Variants in WASF1 observed in about 807,000 individuals in gnomAD.
The protein encoded by WASF1 is WASP family member 1.
Under a neutral mutation model 50.5 loss-of-function variants are expected in WASF1, and 7 were observed. The observed-to-expected ratio is 0.14, with a 90% CI of 0.08 to 0.26. WASF1 has a LOEUF of 0.26. Ranked by LOEUF, WASF1 falls within the 10% of genes least tolerant of loss-of-function variation. WASF1 has a pLI of 1.00. For missense variants in WASF1, 470 were observed against 694.7 expected (o/e 0.68, Z 3.64); for synonymous variants, 205 against 244.0 (o/e 0.84, Z 1.49).
intron 7 of WASF1, 123 bp downstream of exon 7, chr6:110,106,954 G>C: frequency 1.4e-6 from 1 of 697,572 alleles, no homozygotes; most frequent in Non-Finnish European, 2.4e-6. Context: ...AAAGACTTCA[G>C]TATTTAACTA....
intron 2 of WASF1, among the ~76,000 whole-genome samples, chr6:110,177,931 G>A (rs79819967): frequency 0.041 from 6,007 of 147,638 alleles, 137 homozygotes; most frequent in East Asian, 0.12. Flanking sequence ...ACCAACAGTG[G>A]TTTCTTATAT....
chr6:110,175,081 C>T (rs1292522137), intron 2 of WASF1, among the ~76,000 whole-genome samples: 1 of 152,086 alleles, frequency 6.6e-6, no homozygotes, highest in Non-Finnish European at 1.5e-5. Context: ...CATAGCACCC[C>T]AGGTAAGGCT....
At chr6:110,167,561 C>A (rs191311882) in intron 2 of WASF1, among the ~76,000 whole-genome samples, 3 of 152,074 alleles carry the variant, frequency 2.0e-5, no homozygotes, top group Admixed American at 2.0e-4. Flanking sequence ...TTTGAGGACT[C>A]CAGGACTTAG....
intron 4 of WASF1, among the ~76,000 whole-genome samples, chr6:110,122,812 G>C (rs1359572932): frequency 6.6e-6 from 1 of 152,128 alleles, no homozygotes. Context: ...GCTATAGGCA[G>C]TTAAGTTTTG....
chr6:110,149,451 T>C (rs1472212097), intron 3 of WASF1, among the ~76,000 whole-genome samples: 1 of 137,436 alleles, frequency 7.3e-6, no homozygotes, highest in Non-Finnish European at 1.5e-5. Context: ...CTTCTTTCTG[T>C]AGGAGACAGC....
rs776903422 is a variant in WASF1 at position 110,150,830 on chromosome 6, GTT to G, written c.-29+9803_-29+9804del. ...GCGGGCAGATCACCTTACATCAGGA[GTT>G]CGAGACCAGCCTGGCTAACATGGTA... On this transcript the variant is annotated intron_variant, in intron 3 of 10. Coordinates refer to ENST00000392589, the MANE Select transcript of WASF1 (RefSeq NM_003931.3). Among the ~76,000 whole-genome samples the G allele has an allele frequency of 2.2e-4, 33 of 152,294 alleles. No individual in the cohort carries two copies. The Middle Eastern group carries it at 0.01, about 47-fold the overall frequency.
intron 3 of WASF1, among the ~76,000 whole-genome samples, chr6:110,140,436 G>A (rs1243710259): frequency 6.6e-6 from 1 of 152,164 alleles, no homozygotes; most frequent in African/African-American, 2.4e-5. Context: ...AACCCAAAGG[G>A]GGAGTCATAG....
chr6:110,113,459 A>G lies in WASF1; in HGVS notation c.135T>C (p.Ser45=), dbSNP rs1479287465. ...ANIIRQLSSL[S]KYAEDIFGEL... ...CTCCAAATATATCTTCAGCATATTT[A>G]CCTAAGCAAAAATGACACATATATC... Residue 45 remains serine, a splice_region_variant and synonymous_variant, in exon 5 of 11, where the codon AGT becomes AGC. Coordinates refer to ENST00000392589, the MANE Select transcript of WASF1 (RefSeq NM_003931.3). 1 of 1,587,698 alleles carries G rather than the reference A, an allele frequency of 6.3e-7. No individual in the cohort carries two copies. Among genetic ancestry groups the G allele is most frequent in the Non-Finnish European group, 8.5e-7 (1 of 1,169,880 alleles).
intron 2 of WASF1, among the ~76,000 whole-genome samples, chr6:110,169,177 C>T (rs907941254): frequency 3.3e-5 from 5 of 152,170 alleles, no homozygotes; most frequent in Admixed American, 1.3e-4. Context: ...AGATCTTTAA[C>T]CATCAATTCT....
In WASF1 at chr6:110,101,991, A is replaced by C. The variant is rs1475753220; in HGVS notation, c.1119T>G (p.Ala373=). Residue 373 remains alanine, a synonymous_variant, in exon 10 of 11, where the codon GCT becomes GCG. Coordinates refer to ENST00000392589, the MANE Select transcript of WASF1 (RefSeq NM_003931.3). Reference sequence around the variant, plus strand: ...GAACTCCAGGGGCAATCTGAAGAGGAGCTGGAGGTGGTGGTACTGCTGGAG... The same window carrying C: ...GAACTCCAGGGGCAATCTGAAGAGGCGCTGGAGGTGGTGGTACTGCTGGAG... ...LQAPAVPPPP[A]PLQIAPGVLH... The C allele has an allele frequency of 1.4e-5, 22 of 1,573,578 alleles. No individual in the cohort carries two copies. The highest frequency in any genetic ancestry group is 5.3e-5 in the Admixed American group (3 of 56,928).
In WASF1 at chr6:110,101,892, T is replaced by C; in HGVS notation, c.1218A>G (p.Val406=). The C allele has an allele frequency of 6.2e-7, 1 of 1,613,512 alleles. No homozygotes were observed. Among genetic ancestry groups the C allele is most frequent in the Non-Finnish European group, 8.5e-7 (1 of 1,179,718 alleles). Residue 406 remains valine, a synonymous_variant, in exon 10 of 11, where the codon GTA becomes GTG. Transcript: ENST00000392589. ...PSPPVARAAP[V]CETVPVHPLP... is the part of the protein sequence containing the mutation. ...GTGGATGAACTGGTACAGTCTCACA[T>C]ACTGGGGCAGCTCTAGCTACTGGTG...
chr6:110,129,405 G>A (rs6899430), intron 3 of WASF1, among the ~76,000 whole-genome samples: 61 of 152,322 alleles, frequency 4.0e-4, no homozygotes, highest in African/African-American at 1.3e-3. Context: ...TGTTGCCACT[G>A]CCACTGTTTG....
At chr6:110,149,435 T>C (rs201386476) in intron 3 of WASF1, among the ~76,000 whole-genome samples, 3 of 144,000 alleles carry the variant, frequency 2.1e-5, no homozygotes, top group East Asian at 4.0e-4. Context: ...TCATATGAAA[T>C]GTCATCTTCT....
chr6:110,137,737 T>C (rs529639553), intron 3 of WASF1, among the ~76,000 whole-genome samples: 56 of 152,324 alleles, frequency 3.7e-4, no homozygotes, highest in African/African-American at 1.3e-3. Flanking sequence ...TAAGATGGAA[T>C]GTTAAGCATA....
At chr6:110,112,172 A>G (rs1298270046) in intron 5 of WASF1, among the ~76,000 whole-genome samples, 3 of 151,834 alleles carry the variant, frequency 2.0e-5, no homozygotes. Flanking sequence ...TTTTATTGTT[A>G]AAGTTTAGAT....
chr6:110,165,388 A>G (rs1776432193), intron 2 of WASF1, among the ~76,000 whole-genome samples: 1 of 151,678 alleles, frequency 6.6e-6, no homozygotes, highest in South Asian at 2.1e-4. Flanking sequence ...ATGTGAATGT[A>G]CTTAATGCCA....
At chr6:110,121,118 TA>T (rs1774098674) in intron 4 of WASF1, among the ~76,000 whole-genome samples, 1 of 152,178 alleles carries the variant, frequency 6.6e-6, no homozygotes, top group African/African-American at 2.4e-5. Context: ...ATTCAGGACA[TA>T]GGCATGGGCA....
intron 3 of WASF1, among the ~76,000 whole-genome samples, chr6:110,141,620 G>A (rs558199160): frequency 3.3e-5 from 5 of 152,096 alleles, no homozygotes; most frequent in South Asian, 4.1e-4. Flanking sequence ...TGCCTTACTC[G>A]CCTTACTCAA....
intron 3 of WASF1, among the ~76,000 whole-genome samples, chr6:110,148,495 A>G (rs1438894746): frequency 6.6e-6 from 1 of 152,138 alleles, no homozygotes; most frequent in East Asian, 1.9e-4. Flanking sequence ...GGGAAACTGA[A>G]GCTTGTGCGT....
Sources: allele counts gnomAD v4.1 joint callset (sites outside exome capture counted in the v4.1 genomes callset), GRCh38; gene constraint gnomAD v4.1.1; transcripts MANE v1.5; gene names NCBI Gene and HGNC (gene_info 2026-07-23, HGNC 2026-07-21).